The following CDH12 variants were observed in gnomAD, a reference collection of about 807,000 sequenced individuals.
CDH12 encodes cadherin 12, also known as cadherin-12.
CDH12 carries 41 observed loss-of-function variants against 74.1 expected under a neutral mutation model. That is an observed-to-expected ratio of 0.55 (90% CI 0.43 to 0.72). CDH12 has a LOEUF of 0.72. Among genes scored for constraint, CDH12 ranks in the 30% least tolerant of loss-of-function variants. The pLI is 0.00. For synonymous variants in CDH12, 399 were observed against 355.0 expected, an observed-to-expected ratio of 1.12 and a Z score of -1.39; for missense variants, 945 against 977.2, an observed-to-expected ratio of 0.97 and a Z score of 0.44.
chr5:22,736,354 A>G (rs1463606848), intron 1 of CDH12, among the ~76,000 whole-genome samples: 1 of 151,832 alleles, frequency 6.6e-6, no homozygotes, highest in Non-Finnish European at 1.5e-5. Context: ...GAGATAGTTC[A>G]TTGGCTGAAT....
intron 3 of CDH12, among the ~76,000 whole-genome samples, chr5:22,258,247 C>T (rs1351434656): frequency 6.6e-6 from 1 of 152,032 alleles, no homozygotes; most frequent in Non-Finnish European, 1.5e-5. Flanking sequence ...TCTTAAACAG[C>T]CCATAAAAAC....
intron 10 of CDH12, among the ~76,000 whole-genome samples, chr5:21,786,456 T>C (rs1746205011): frequency 6.6e-6 from 1 of 152,030 alleles, no homozygotes; most frequent in African/African-American, 2.4e-5. Context: ...CCAGCTGGTT[T>C]ACTAAATATT....
chr5:21,788,782 C>A (rs1162162041), intron 10 of CDH12, among the ~76,000 whole-genome samples: 1 of 152,116 alleles, frequency 6.6e-6, no homozygotes, highest in Non-Finnish European at 1.5e-5. Flanking sequence ...ACTTTGGTAC[C>A]ATTAAGCCAC....
intron 7 of CDH12, among the ~76,000 whole-genome samples, chr5:21,848,615 G>C (rs1579828445): frequency 6.6e-6 from 1 of 151,828 alleles, no homozygotes; most frequent in Admixed American, 6.6e-5. Flanking sequence ...CATTGCATTT[G>C]TATATGATTT....
chr5:22,742,525 T>G (rs1338550080), intron 1 of CDH12, among the ~76,000 whole-genome samples: 2 of 152,080 alleles, frequency 1.3e-5, no homozygotes, highest in Non-Finnish European at 2.9e-5. Context: ...TACTCTGCTA[T>G]GTATCTGCCT....
intron 3 of CDH12, among the ~76,000 whole-genome samples, chr5:22,299,242 A>T (rs916551296): frequency 6.6e-6 from 1 of 152,022 alleles, no homozygotes; most frequent in East Asian, 1.9e-4. Context: ...TTGGTAAGGG[A>T]GAGATGGGGT....
chr5:21,851,076 A>G (rs1442112193), intron 7 of CDH12, among the ~76,000 whole-genome samples: 1 of 151,274 alleles, frequency 6.6e-6, no homozygotes, highest in Non-Finnish European at 1.5e-5. Flanking sequence ...AAACAATTTC[A>G]TAGATTAACA....
intron 3 of CDH12, among the ~76,000 whole-genome samples, chr5:22,363,451 T>A (rs1248716321): frequency 6.6e-6 from 1 of 152,168 alleles, no homozygotes; most frequent in African/African-American, 2.4e-5. Flanking sequence ...ATTGGCAGAG[T>A]ATGATGAATA....
intron 1 of CDH12, among the ~76,000 whole-genome samples, chr5:22,594,629 GTC>G (rs1736508268): frequency 6.6e-6 from 1 of 151,730 alleles, no homozygotes; most frequent in Non-Finnish European, 1.5e-5. Flanking sequence ...GTTAACTCAA[GTC>G]TCTACAAACA....
intron 3 of CDH12, among the ~76,000 whole-genome samples, chr5:22,301,362 A>G (rs1737871909): frequency 6.6e-6 from 1 of 152,134 alleles, no homozygotes; most frequent in African/African-American, 2.4e-5. Flanking sequence ...AATATAGCTC[A>G]CAGAGATGAC....
At chr5:22,804,289 C>T (rs539281578) in intron 1 of CDH12, among the ~76,000 whole-genome samples, 2 of 152,278 alleles carry the variant, frequency 1.3e-5, no homozygotes, top group African/African-American at 4.8e-5. Flanking sequence ...TGACTTCTCT[C>T]CACATATATT....
At chr5:21,933,384 A>C (rs1754931847) in intron 6 of CDH12, among the ~76,000 whole-genome samples, 1 of 152,222 alleles carries the variant, frequency 6.6e-6, no homozygotes, top group Admixed American at 6.5e-5. Context: ...CTAAGAGGGA[A>C]CAGGGCAGAG....
chr5:22,381,939 A>G (rs1411387360), intron 3 of CDH12, among the ~76,000 whole-genome samples: 1 of 150,186 alleles, frequency 6.7e-6, no homozygotes, highest in Non-Finnish European at 1.5e-5. Context: ...ATATATTTCT[A>G]TAGAGAGAGA....
At chr5:22,566,192 C>A (rs1428404158) in intron 1 of CDH12, among the ~76,000 whole-genome samples, 1 of 151,596 alleles carries the variant, frequency 6.6e-6, no homozygotes, top group Admixed American at 6.6e-5. Flanking sequence ...ACCTGAGATT[C>A]TTGTACAAAG....
intron 1 of CDH12, among the ~76,000 whole-genome samples, chr5:22,695,273 C>T (rs1742303680): frequency 6.6e-6 from 1 of 152,088 alleles, no homozygotes; most frequent in Non-Finnish European, 1.5e-5. Flanking sequence ...GGTTCCAAGT[C>T]TTACTATTGT....
chr5:22,569,613 A>T (rs1282112276), intron 1 of CDH12, among the ~76,000 whole-genome samples: 1 of 152,214 alleles, frequency 6.6e-6, no homozygotes, highest in East Asian at 1.9e-4. Flanking sequence ...TTGTCGTTTC[A>T]CAATGTTTAC....
At chr5:22,460,954 C>G (rs1389103404) in intron 2 of CDH12, among the ~76,000 whole-genome samples, 1 of 149,838 alleles carries the variant, frequency 6.7e-6, no homozygotes, top group African/African-American at 2.5e-5. Flanking sequence ...TTCCTGACCC[C>G]AGGTGATCCA....
chr5:22,274,508 A>G (rs896362256), intron 3 of CDH12, among the ~76,000 whole-genome samples: 8 of 152,100 alleles, frequency 5.3e-5, no homozygotes, highest in Admixed American at 1.3e-4. Flanking sequence ...AATTTTTTAA[A>G]TGGATATAAT....
chr5:22,416,305 G>A (rs892657028), intron 2 of CDH12, among the ~76,000 whole-genome samples: 1 of 151,702 alleles, frequency 6.6e-6, no homozygotes, highest in African/African-American at 2.4e-5. Flanking sequence ...TCGATCTCCT[G>A]ACCTCGTGAT....
Sources: gnomAD v4.1 joint callset for allele counts (sites outside exome capture counted in the v4.1 genomes callset) on GRCh38, gnomAD v4.1.1 for gene constraint, MANE v1.5 for transcripts, NCBI Gene and HGNC (gene_info 2026-07-23, HGNC 2026-07-21) for gene names.